Variants in CCDC57 observed in about 807,000 individuals in gnomAD.
CCDC57 encodes coiled-coil domain-containing protein 57.
CCDC57 carries 118 observed loss-of-function variants against 118.9 expected under a neutral mutation model. The observed-to-expected ratio is 0.99, with a 90% CI of 0.86 to 1.16. CCDC57 has a LOEUF of 1.16. Among genes scored for constraint, CCDC57 ranks in the 50% most tolerant of loss-of-function variants. CCDC57 has a pLI of 0.00. For synonymous variants in CCDC57, 527 were observed against 532.9 expected, an observed-to-expected ratio of 0.99 and a Z score of 0.15; for missense variants, 1,300 against 1,320.7, an observed-to-expected ratio of 0.98 and a Z score of 0.24.
At chr17:82,121,068 T>C (rs2145118386) in intron 19 of CCDC57, among the ~76,000 whole-genome samples, 1 of 152,232 alleles carries the variant, frequency 6.6e-6, no homozygotes, top group Admixed American at 6.5e-5. Context: ...TGCTTGCTTT[T>C]TAATTGCAAC....
intron 16 of CCDC57, among the ~76,000 whole-genome samples, chr17:82,147,451 G>A (rs1319498774): frequency 1.3e-5 from 2 of 151,710 alleles, no homozygotes; most frequent in Non-Finnish European, 2.9e-5. Flanking sequence ...ATAAGTGGTT[G>A]GATGGATAGA....
At chr17:82,169,137 T>C (rs2044355446) in intron 13 of CCDC57, among the ~76,000 whole-genome samples, 2 of 152,006 alleles carry the variant, frequency 1.3e-5, no homozygotes, top group Non-Finnish European at 2.9e-5. Context: ...TTTTACTTTA[T>C]TTTTTTTGAG....
intron 15 of CCDC57, chr17:82,153,641 T>C (rs912862319): frequency 6.6e-6 from 1 of 152,224 alleles, no homozygotes; most frequent in South Asian, 2.1e-4. Context: ...AAAGTTTATT[T>C]TGATGATTCT....
chr17:82,145,664 G>A (rs536558949), intron 16 of CCDC57, among the ~76,000 whole-genome samples: 23 of 152,300 alleles, frequency 1.5e-4, no homozygotes, highest in Middle Eastern at 3.4e-3. Flanking sequence ...GCAGAGGGAG[G>A]GTGAGCTCCA....
chr17:82,184,758 G>C (rs930621877), intron 8 of CCDC57, among the ~76,000 whole-genome samples: 1 of 152,196 alleles, frequency 6.6e-6, no homozygotes, highest in Non-Finnish European at 1.5e-5. Context: ...AGCATGAGTG[G>C]TGCACTCAAG....
At chr17:82,108,333 C>T (rs889328326) in intron 19 of CCDC57, among the ~76,000 whole-genome samples, 71 of 152,294 alleles carry the variant, frequency 4.7e-4, no homozygotes, top group African/African-American at 1.6e-3. Context: ...TGTGGACAGC[C>T]GGGCTGTTCT....
At chr17:82,120,954 A>G (rs960880540) in intron 19 of CCDC57, among the ~76,000 whole-genome samples, 1 of 152,092 alleles carries the variant, frequency 6.6e-6, no homozygotes, top group African/African-American at 2.4e-5. Flanking sequence ...ACAGGGTTTC[A>G]CCGTGTTAGC....
At chr17:82,145,519 C>A (rs1421384701) in intron 16 of CCDC57, among the ~76,000 whole-genome samples, 13 of 151,968 alleles carry the variant, frequency 8.6e-5, no homozygotes, top group Admixed American at 8.5e-4. Context: ...TGCACTCCAG[C>A]CTTGGCAACA....
At chr17:82,120,883 G>A (rs2036584917) in intron 19 of CCDC57, among the ~76,000 whole-genome samples, 1 of 152,100 alleles carries the variant, frequency 6.6e-6, no homozygotes, top group African/African-American at 2.4e-5. Context: ...AGCCTCCCAA[G>A]TAGCTAGGAC....
chr17:82,193,779 C>G, exon 7 of CCDC57: 1 of 1,601,156 alleles, frequency 6.2e-7, no homozygotes, highest in Non-Finnish European at 8.5e-7. Context: ...TTTCCTCTTC[C>G]TTCTTCCTGG....
intron 19 of CCDC57, chr17:82,107,554 C>T (rs2034949401): frequency 6.4e-6 from 3 of 470,866 alleles, no homozygotes; most frequent in African/African-American, 2.0e-5. Context: ...GCTTCTGGAC[C>T]TGGCGCTCGG....
chr17:82,101,898 T>G, intron 19 of CCDC57, 32 bp from the exon 19 acceptor site: 1 of 1,528,412 alleles, frequency 6.5e-7, no homozygotes, highest in African/African-American at 1.4e-5. Context: ...ACAGCATGCA[T>G]CAGGATGGCA....
intron 2 of CCDC57, among the ~76,000 whole-genome samples, chr17:82,203,697 G>A (rs1450753123): frequency 6.6e-6 from 1 of 152,126 alleles, no homozygotes; most frequent in Non-Finnish European, 1.5e-5. Context: ...CCAAGTATGA[G>A]CTCGATTTGG....
At chr17:82,136,136 A>G (rs2145450284) in intron 16 of CCDC57, among the ~76,000 whole-genome samples, 1 of 152,242 alleles carries the variant, frequency 6.6e-6, no homozygotes, top group East Asian at 1.9e-4. Flanking sequence ...ATCCAAGAGA[A>G]CTGAATGTTC....
chr17:82,173,818 G>A (rs951982939), intron 11 of CCDC57, among the ~76,000 whole-genome samples: 3 of 118,160 alleles, frequency 2.5e-5, no homozygotes, highest in African/African-American at 9.0e-5. Context: ...ACGAGGTGAG[G>A]TGGCTCCGGT....
At chr17:82,131,454 A>T (rs1019107298) in intron 17 of CCDC57, among the ~76,000 whole-genome samples, 7 of 151,488 alleles carry the variant, frequency 4.6e-5, no homozygotes, top group African/African-American at 1.7e-4. Flanking sequence ...AAATAAAATA[A>T]ATACATGCCG....
intron 16 of CCDC57, among the ~76,000 whole-genome samples, chr17:82,146,525 A>G (rs2040759108): frequency 6.6e-6 from 1 of 152,164 alleles, no homozygotes. Flanking sequence ...AACTTCAGAC[A>G]CACAACACCA....
intron 1 of CCDC57, among the ~76,000 whole-genome samples, chr17:82,210,154 C>T (rs932262592): frequency 1.3e-5 from 2 of 151,980 alleles, no homozygotes; most frequent in Non-Finnish European, 2.9e-5. Context: ...CAACAAAGTA[C>T]GTGATAGCGA....
At chr17:82,184,030 C>CATGT in intron 8 of CCDC57, 98 bp from the exon 8 acceptor site, 1 of 385,390 alleles carries the variant, frequency 2.6e-6, no homozygotes, top group Non-Finnish European at 4.7e-6. Context: ...CGCGCGCGCG[C>CATGT]GCACACACAC....
Sources: gnomAD v4.1 joint callset for allele counts (sites outside exome capture counted in the v4.1 genomes callset) on GRCh38, gnomAD v4.1.1 for gene constraint, MANE v1.5 for transcripts, NCBI Gene and HGNC (gene_info 2026-07-23, HGNC 2026-07-21) for gene names.